Variants in NXPH1 observed in about 807,000 individuals in gnomAD.
The protein encoded by NXPH1 is neurexophilin 1.
A neutral mutation model predicts 23.7 loss-of-function variants in NXPH1; 5 were observed. That is an observed-to-expected ratio of 0.21 (90% confidence interval 0.11 to 0.44). NXPH1 has a LOEUF of 0.44. Among genes scored for constraint, NXPH1 ranks in the 20% least tolerant of loss-of-function variants. The probability of loss-of-function intolerance (pLI) is 0.99; values close to 1 mark genes in which losing one functional copy is unlikely to be tolerated. For missense variants in NXPH1, 324 were observed against 321.6 expected, an observed-to-expected ratio of 1.01 and a Z score of -0.06; for synonymous variants, 144 against 122.2, an observed-to-expected ratio of 1.18 and a Z score of -1.18.
intron 2 of NXPH1, among the ~76,000 whole-genome samples, chr7:8,451,052 C>G (rs929069584): frequency 2.1e-4 from 31 of 150,506 alleles, no homozygotes; most frequent in African/African-American, 7.4e-4. Flanking sequence ...TAAAATTGGT[C>G]TGGATGAACA....
chr7:8,526,883 A>C (rs892011936), intron 2 of NXPH1, among the ~76,000 whole-genome samples: 1 of 152,288 alleles, frequency 6.6e-6, no homozygotes, highest in South Asian at 2.1e-4. Context: ...AGCAGAAGTA[A>C]GGCACAGGTA....
intron 2 of NXPH1, among the ~76,000 whole-genome samples, chr7:8,621,628 C>G (rs979171199): frequency 1.3e-5 from 2 of 151,896 alleles, no homozygotes; most frequent in African/African-American, 4.8e-5. Context: ...GCTGGGATTA[C>G]AGGCGTCTGG....
At chr7:8,479,051 A>C (rs938933267) in intron 2 of NXPH1, among the ~76,000 whole-genome samples, 4 of 152,154 alleles carry the variant, frequency 2.6e-5, no homozygotes, top group Admixed American at 1.3e-4. Context: ...ACTGGTGATA[A>C]GTTAAAAATA....
rs957946998 is a variant in NXPH1 at position 8,543,666 on chromosome 7, A to T, written c.54+107899A>T. On this transcript the variant is annotated intron_variant, in intron 2 of 2. Coordinates refer to ENST00000405863, the MANE Select transcript of NXPH1 (RefSeq NM_152745.3). ...TGGATTTTAATAATTTGTCTAGTTC[A>T]CACGTAGATGCACAGTATCTAATCC... Among the ~76,000 whole-genome samples, 52 of 151,654 alleles carry T rather than the reference A, an allele frequency of 3.4e-4. 1 individual carries two copies. Among genetic ancestry groups the T allele is most frequent in the African/African-American group, 1.2e-3 (51 of 41,384 alleles).
At chr7:8,590,011 T>A (rs1819059790) in intron 2 of NXPH1, among the ~76,000 whole-genome samples, 3 of 152,142 alleles carry the variant, frequency 2.0e-5, no homozygotes. Flanking sequence ...AACATTTCCC[T>A]CATGGCAGAA....
chr7:8,475,492 A>G (rs1389747886), intron 2 of NXPH1, among the ~76,000 whole-genome samples: 2 of 152,120 alleles, frequency 1.3e-5, no homozygotes, highest in Non-Finnish European at 2.9e-5. Flanking sequence ...TCTAAATAAA[A>G]AACAACAATA....
At chr7:8,741,433 C>G (rs906312701) in intron 2 of NXPH1, among the ~76,000 whole-genome samples, 3 of 152,074 alleles carry the variant, frequency 2.0e-5, no homozygotes, top group African/African-American at 4.8e-5. Context: ...ATTGCTGGAT[C>G]AAATGGTAGT....
chr7:8,489,392 T>C (rs1013218808), intron 2 of NXPH1, among the ~76,000 whole-genome samples: 2 of 152,012 alleles, frequency 1.3e-5, no homozygotes, highest in African/African-American at 4.8e-5. Flanking sequence ...CTAACCACAA[T>C]GAACAAAGAG....
chr7:8,577,446 T>C (rs915016563), intron 2 of NXPH1, among the ~76,000 whole-genome samples: 21 of 152,214 alleles, frequency 1.4e-4, no homozygotes, highest in African/African-American at 4.6e-4. Context: ...GTTTCATTAC[T>C]TGCTTCAGTA....
intron 2 of NXPH1, among the ~76,000 whole-genome samples, chr7:8,518,542 G>A (rs925889546): frequency 3.9e-5 from 6 of 152,062 alleles, no homozygotes; most frequent in Admixed American, 6.6e-5. Context: ...TGCAGGCTGG[G>A]TTGGAGTGAT....
intron 2 of NXPH1, among the ~76,000 whole-genome samples, chr7:8,740,441 T>G (rs961141659): frequency 2.0e-5 from 3 of 152,150 alleles, no homozygotes; most frequent in African/African-American, 7.2e-5. Flanking sequence ...ATGAGTTAGG[T>G]ATTATCTAAA....
At chr7:8,532,643 G>A (rs1395869528) in intron 2 of NXPH1, among the ~76,000 whole-genome samples, 1 of 151,930 alleles carries the variant, frequency 6.6e-6, no homozygotes, top group Non-Finnish European at 1.5e-5. Flanking sequence ...CCTTCCTGGG[G>A]AACTTGTTAA....
In NXPH1 at chr7:8,450,944, C is replaced by G. The variant is rs190526025; in HGVS notation, c.54+15177C>G. 3.5e-4 allele frequency among the ~76,000 whole-genome samples: 54 copies of G among 152,136 alleles called. 1 individual carries two copies. The East Asian group carries it at 6.9e-3, about 20-fold the overall frequency. On this transcript the variant is annotated intron_variant, in intron 2 of 2. Transcript: ENST00000405863. ...TTTGTGAAATAAGTCAGAAATAAAC[C>G]TTTTAGCACTTCATTGTAGATTTAT...
chr7:8,611,472 G>C (rs1819619540), intron 2 of NXPH1, among the ~76,000 whole-genome samples: 1 of 152,138 alleles, frequency 6.6e-6, no homozygotes, highest in South Asian at 2.1e-4. Flanking sequence ...CAGAGGAAGG[G>C]AGACAGAGAA....
At chr7:8,644,493 A>T (rs1820364751) in intron 2 of NXPH1, among the ~76,000 whole-genome samples, 1 of 152,036 alleles carries the variant, frequency 6.6e-6, no homozygotes, top group Non-Finnish European at 1.5e-5. Context: ...TCTTGTCTAG[A>T]AATCCTTCTG....
chr7:8,644,034 G>C (rs530555415), intron 2 of NXPH1, among the ~76,000 whole-genome samples: 2 of 152,300 alleles, frequency 1.3e-5, no homozygotes, highest in East Asian at 3.9e-4. Context: ...TCTTGGATTA[G>C]AGAAATGTGG....
At chr7:8,499,994 G>A (rs1033502150) in intron 2 of NXPH1, among the ~76,000 whole-genome samples, 2 of 152,096 alleles carry the variant, frequency 1.3e-5, no homozygotes, top group African/African-American at 4.8e-5. Flanking sequence ...TATGGATTCT[G>A]TGTACTATAA....
chr7:8,517,940 T>G (rs1412703495), intron 2 of NXPH1, among the ~76,000 whole-genome samples: 1 of 152,116 alleles, frequency 6.6e-6, no homozygotes, highest in African/African-American at 2.4e-5. Flanking sequence ...TCACATAAGC[T>G]TGATGTCCTG....
intron 2 of NXPH1, among the ~76,000 whole-genome samples, chr7:8,591,846 C>CT (rs111935394): frequency 0.092 from 12,916 of 140,822 alleles, 630 homozygotes; most frequent in Middle Eastern, 0.11. Flanking sequence ...GCTGAGGTTT[C>CT]TTTTTTTTTT....
Sources: gnomAD v4.1 joint callset for allele counts (sites outside exome capture counted in the v4.1 genomes callset) on GRCh38, gnomAD v4.1.1 for gene constraint, MANE v1.5 for transcripts, NCBI Gene and HGNC (gene_info 2026-07-23, HGNC 2026-07-21) for gene names.